The following SUPT4H1 variants were observed in gnomAD, a reference collection of about 807,000 sequenced individuals.
The protein encoded by SUPT4H1 is transcription elongation factor SPT4.
A neutral mutation model predicts 19.4 loss-of-function variants in SUPT4H1; 12 were observed. The ratio of observed to expected loss-of-function variants is 0.62; its 90% confidence interval spans 0.40 to 1.00. SUPT4H1 has a LOEUF of 1.00. Ranked by LOEUF, SUPT4H1 falls within the 50% of genes least tolerant of loss-of-function variation. SUPT4H1 has a pLI of 0.00. For missense variants in SUPT4H1, 115 were observed against 149.2 expected, an observed-to-expected ratio of 0.77 and a Z score of 1.19; for synonymous variants, 58 against 56.3, an observed-to-expected ratio of 1.03 and a Z score of -0.14.
At chr17:58,351,238 CA>C (rs1457880528) in intron 2 of SUPT4H1, among the ~76,000 whole-genome samples, 163 bp downstream of exon 2, 1 of 103,522 alleles carries the variant, frequency 9.7e-6, no homozygotes, top group Non-Finnish European at 1.8e-5. Context: ...AGCCACAGAG[CA>C]AAACCCTGAT....
chr17:58,352,137 T>C lies in SUPT4H1; in HGVS notation c.-2A>G, dbSNP rs1972551125. The C allele has an allele frequency of 6.2e-7, 1 of 1,614,156 alleles. No individual in the cohort carries two copies. Among genetic ancestry groups the C allele is most frequent in the East Asian group, 2.2e-5 (1 of 44,890 alleles). ...CTTCGGCACCGTCTCCAGGGCCATCTTCGCCGATGGGAAGAACAACAGGGA... is the reference window on the plus strand; with the variant it reads ...CTTCGGCACCGTCTCCAGGGCCATCCTCGCCGATGGGAAGAACAACAGGGA... On this transcript the variant is annotated 5_prime_UTR_variant, in exon 1 of 5. Coordinates refer to ENST00000225504, the MANE Select transcript of SUPT4H1 (RefSeq NM_003168.3).
intron 4 of SUPT4H1, 95 bp from the exon 5 acceptor site, chr17:58,346,408 C>A (rs1972289217): frequency 2.0e-6 from 2 of 987,518 alleles, no homozygotes; most frequent in Non-Finnish European, 3.2e-6. Flanking sequence ...TATAAGCAAA[C>A]TGGAGTTCCT....
At chr17:58,350,146 C>T (rs978721021) in intron 2 of SUPT4H1, among the ~76,000 whole-genome samples, 14 of 151,922 alleles carry the variant, frequency 9.2e-5, no homozygotes, top group South Asian at 4.2e-4. Context: ...ATTAGCTGGG[C>T]GTGGTGGTGG....
intron 4 of SUPT4H1, 114 bp from the exon 5 acceptor site, chr17:58,346,427 TATCA>T: frequency 1.2e-6 from 1 of 838,210 alleles, no homozygotes; most frequent in Non-Finnish European, 2.0e-6. Flanking sequence ...CTAGACTACT[TATCA>T]ATCGTCTGCT....
At chr17:58,351,636 G>T in intron 1 of SUPT4H1, 128 bp from the exon 2 acceptor site, 1 of 658,654 alleles carries the variant, frequency 1.5e-6, no homozygotes, top group Non-Finnish European at 2.7e-6. Flanking sequence ...GTATCCTAAG[G>T]TTCCCCACCT....
chr17:58,352,161 G>C lies in SUPT4H1; in HGVS notation c.-26C>G, dbSNP rs780121403. On this transcript the variant is annotated 5_prime_UTR_variant, in exon 1 of 5. Coordinates refer to ENST00000225504, the MANE Select transcript of SUPT4H1 (RefSeq NM_003168.3). The stretch of plus-strand genomic sequence containing the variant: ...CTTCGCCGATGGGAAGAACAACAGG[G>C]AGATAGACGACCACAGCCTGTGCAC... The C allele has an allele frequency of 1.9e-6, 3 of 1,612,312 alleles. No individual in the cohort carries two copies. Among genetic ancestry groups the C allele is most frequent in the East Asian group, 2.2e-5 (1 of 44,868 alleles).
chr17:58,347,436 G>C (rs954935451), intron 3 of SUPT4H1, 93 bp downstream of exon 3: 7 of 1,489,952 alleles, frequency 4.7e-6, no homozygotes, highest in African/African-American at 1.4e-5. Flanking sequence ...CCACCCTGAG[G>C]TCACTCATCT....
chr17:58,347,245 A>T lies in SUPT4H1; in HGVS notation c.233-4T>A. On this transcript the variant is annotated splice_region_variant and splice_polypyrimidine_tract_variant and intron_variant, in intron 3 of 4. Coordinates refer to ENST00000225504, the MANE Select transcript of SUPT4H1 (RefSeq NM_003168.3). ...TATACACCTGGCTTAAAGTTACCTG[A>T]GAGAGAAGAAAAAAGATACAAGATT... 1 of 1,614,138 alleles carries T rather than the reference A, an allele frequency of 6.2e-7. No homozygotes were observed. The highest frequency in any genetic ancestry group is 2.2e-5 in the East Asian group (1 of 44,888).
intron 2 of SUPT4H1, among the ~76,000 whole-genome samples, chr17:58,348,882 C>G (rs1972388498): frequency 1.3e-5 from 2 of 152,142 alleles, no homozygotes; most frequent in African/African-American, 4.8e-5. Flanking sequence ...ATTCCTACAA[C>G]CTAACAACAA....
chr17:58,351,254 A>C (rs1193796260), intron 2 of SUPT4H1, 148 bp downstream of exon 2: 1 of 153,932 alleles, frequency 6.5e-6, no homozygotes, highest in Non-Finnish European at 1.2e-5. Context: ...CCTGATTCAA[A>C]AAAAAAAAAA....
intron 2 of SUPT4H1, 152 bp from the exon 3 acceptor site, chr17:58,347,736 G>C: frequency 2.8e-6 from 2 of 710,056 alleles, no homozygotes; most frequent in Non-Finnish European, 4.9e-6. Flanking sequence ...CTGACTCAAA[G>C]CTAGGACTGA....
At chr17:58,347,814 T>C (rs1253032613) in intron 2 of SUPT4H1, among the ~76,000 whole-genome samples, 11 of 152,168 alleles carry the variant, frequency 7.2e-5, no homozygotes, top group Admixed American at 2.0e-4. Context: ...CAAAAGATTA[T>C]CTCACTCAGC....
intron 2 of SUPT4H1, among the ~76,000 whole-genome samples, chr17:58,349,942 G>A (rs1972431724): frequency 1.3e-5 from 2 of 152,210 alleles, no homozygotes; most frequent in Admixed American, 1.3e-4. Flanking sequence ...GGATGGTGGT[G>A]ACGGTTGCAC....
At position 58,346,070 on chromosome 17, in the gene SUPT4H1, C is replaced by A; in HGVS notation, c.*176G>T. 1 of 581,688 alleles carries A rather than the reference C, an allele frequency of 1.7e-6. No homozygotes were observed. Among genetic ancestry groups the A allele is most frequent in the Non-Finnish European group, 3.1e-6 (1 of 325,414 alleles). The allele number at this position is 581,688 out of a possible 1,614,324, so 36.0% of individuals were successfully genotyped here. On this transcript the variant is annotated 3_prime_UTR_variant, in exon 5 of 5. Transcript: ENST00000225504. ...ATCCACCAACCCAAATCCCTCCCAC[C>A]CCACCTGTAGTCCAAAGAAGATAAA...
chr17:58,350,681 T>C (rs1291109884), intron 2 of SUPT4H1, among the ~76,000 whole-genome samples: 1 of 143,686 alleles, frequency 7.0e-6, no homozygotes, highest in African/African-American at 2.6e-5. Context: ...ACTAAAGATA[T>C]AAAAATTAGC....
In SUPT4H1 at chr17:58,351,408, A is replaced by C; in HGVS notation, c.170T>G (p.Phe57Cys). Residue 57 changes from phenylalanine (F) to cysteine (C), a missense_variant, in exon 2 of 5, where the codon TTT becomes TGT. Transcript: ENST00000225504. ...GGAAACTGAAGCGGCTTACCCATCA[A>C]AGGAAGAGCTAGTGCAGTCATATAC... is the stretch of plus-strand genomic sequence containing the variant. ...EMVYDCTSSS[F>C]DGIIAMMSPE... 6.2e-7 allele frequency: 1 copy of C among 1,611,356 alleles called. No individual in the cohort carries two copies. Among genetic ancestry groups the C allele is most frequent in the Non-Finnish European group, 8.5e-7 (1 of 1,178,088 alleles).
chr17:58,347,626 T>C (rs1187392362), intron 2 of SUPT4H1, 42 bp from the exon 3 acceptor site: 2 of 1,594,526 alleles, frequency 1.3e-6, no homozygotes, highest in Admixed American at 1.7e-5. Flanking sequence ...TGAGCCTCCC[T>C]GGGCCTGAGC....
rs371112173 is a variant in SUPT4H1 at position 58,351,411 on chromosome 17, G to C, written c.167C>G (p.Ser56Cys). ...REMVYDCTSS[S>C]FDGIIAMMSP... ...AACTGAAGCGGCTTACCCATCAAAG[G>C]AAGAGCTAGTGCAGTCATATACCAT... is the stretch of plus-strand genomic sequence containing the variant. The change falls in exon 2 of 5, where the codon TCC (serine) becomes TGC (cysteine). Residue 56 changes from serine (S) to cysteine (C), a missense_variant. By Grantham distance (112) the Ser-to-Cys change is moderately radical. Transcript: ENST00000225504. 23 of 1,611,424 alleles carry C rather than the reference G, an allele frequency of 1.4e-5. No homozygotes were observed. Among genetic ancestry groups the C allele is most frequent in the Non-Finnish European group, 1.8e-5 (21 of 1,178,094 alleles).
At chr17:58,351,589 C>A (rs946283552) in intron 1 of SUPT4H1, 81 bp from the exon 2 acceptor site, 13 of 926,294 alleles carry the variant, frequency 1.4e-5, no homozygotes, top group Non-Finnish European at 2.3e-5. Context: ...CTCAATACTT[C>A]GACCTGCTCA....
Sources: allele counts gnomAD v4.1 joint callset (sites outside exome capture counted in the v4.1 genomes callset), GRCh38; gene constraint gnomAD v4.1.1; transcripts MANE v1.5; gene names NCBI Gene and HGNC (gene_info 2026-07-23, HGNC 2026-07-21).